Variants in MIPOL1 observed in about 807,000 individuals in gnomAD.
MIPOL1 encodes the protein mirror-image polydactyly gene 1 protein.
Under a neutral mutation model 60.9 loss-of-function variants are expected in MIPOL1, and 57 were observed. The observed-to-expected ratio is 0.94, with a 90% CI of 0.76 to 1.17. The LOEUF (loss-of-function observed/expected upper bound fraction) is 1.17, where lower values mean the gene tolerates loss of function less well. Ranked by LOEUF, MIPOL1 falls within the 50% of genes most tolerant of loss-of-function variation. The pLI is 0.00. For synonymous variants in MIPOL1, 179 were observed against 168.8 expected (o/e 1.06, Z -0.47); for missense variants, 551 against 511.6 (o/e 1.08, Z -0.74).
At chr14:37,237,009 G>GTA (rs1251041403) in intron 1 of MIPOL1, among the ~76,000 whole-genome samples, 8 of 151,984 alleles carry the variant, frequency 5.3e-5, no homozygotes, top group African/African-American at 1.9e-4. Context: ...AGATTCCCTG[G>GTA]TATACTTGGC....
At chr14:37,252,640 A>G (rs997084811) in intron 3 of MIPOL1, among the ~76,000 whole-genome samples, 2 of 151,798 alleles carry the variant, frequency 1.3e-5, no homozygotes, top group Non-Finnish European at 2.9e-5. Context: ...GCCACCATCA[A>G]CCTCTTGTAT....
intron 10 of MIPOL1, among the ~76,000 whole-genome samples, chr14:37,388,617 C>T (rs143382863): frequency 6.6e-6 from 1 of 151,780 alleles, no homozygotes; most frequent in East Asian, 1.9e-4. Flanking sequence ...TCTATCATCC[C>T]ACCAAAATAT....
intron 11 of MIPOL1, among the ~76,000 whole-genome samples, chr14:37,462,073 T>A (rs1255046488): frequency 1.3e-5 from 2 of 152,112 alleles, no homozygotes; most frequent in Non-Finnish European, 2.9e-5. Flanking sequence ...CTAGCAGAGG[T>A]TCTCCATGAG....
chr14:37,248,295 C>T (rs1973505011), intron 3 of MIPOL1, among the ~76,000 whole-genome samples: 1 of 151,760 alleles, frequency 6.6e-6, no homozygotes, highest in African/African-American at 2.4e-5. Context: ...GAAGGAGATC[C>T]TCAGAGAAAG....
intron 12 of MIPOL1, among the ~76,000 whole-genome samples, chr14:37,528,639 G>C (rs562008845): frequency 5.3e-5 from 8 of 152,054 alleles, no homozygotes; most frequent in Non-Finnish European, 7.4e-5. Context: ...TTCTCTAAGA[G>C]TGATCTAAGT....
intron 12 of MIPOL1, chr14:37,506,217 C>T (rs2095274886): frequency 6.6e-6 from 1 of 152,130 alleles, no homozygotes; most frequent in Non-Finnish European, 1.5e-5. Flanking sequence ...CATCAAGCTA[C>T]CAATAACTTT....
intron 9 of MIPOL1, among the ~76,000 whole-genome samples, chr14:37,361,463 A>G (rs996984114): frequency 6.6e-6 from 1 of 152,040 alleles, no homozygotes; most frequent in Non-Finnish European, 1.5e-5. Context: ...GTGGGAGTCT[A>G]CGTCTCTTTG....
chr14:37,356,289 G>C (rs958008332), intron 9 of MIPOL1, among the ~76,000 whole-genome samples: 36 of 151,822 alleles, frequency 2.4e-4, no homozygotes, highest in African/African-American at 8.2e-4. Context: ...TGCGTGCTGG[G>C]AGAACCACTG....
At chr14:37,211,901 C>G (rs1427652958) in intron 1 of MIPOL1, among the ~76,000 whole-genome samples, 1 of 151,922 alleles carries the variant, frequency 6.6e-6, no homozygotes, top group East Asian at 1.9e-4. Flanking sequence ...AATAGGGCAC[C>G]AGTCAGAGTT....
intron 11 of MIPOL1, among the ~76,000 whole-genome samples, chr14:37,493,545 AAT>A (rs2095075909): frequency 1.3e-5 from 2 of 152,194 alleles, no homozygotes; most frequent in South Asian, 4.1e-4. Flanking sequence ...CATTGGACTC[AAT>A]GTGGTGAGCA....
Position 37,268,811 on chromosome 14 carries a change from T to C in MIPOL1, c.387+18T>C. 1 of 1,536,906 alleles carries C rather than the reference T, an allele frequency of 6.5e-7. No homozygotes were observed. ...ATAAAAAGGTATAATATGGAAAGTC[T>C]GATAATTGTATAGTATGGGTTTAGC... is the stretch of plus-strand genomic sequence containing the variant. On this transcript the variant is annotated intron_variant, in intron 5 of 12. Transcript: ENST00000684589.
intron 10 of MIPOL1, among the ~76,000 whole-genome samples, chr14:37,375,284 C>CT (rs2092744292): frequency 1.3e-5 from 2 of 152,080 alleles, no homozygotes; most frequent in Admixed American, 1.3e-4. Flanking sequence ...TCACAGCTCA[C>CT]TATAGCCTCA....
intron 1 of MIPOL1, among the ~76,000 whole-genome samples, chr14:37,202,306 C>T (rs1312213399): frequency 1.3e-5 from 2 of 151,924 alleles, no homozygotes; most frequent in African/African-American, 4.8e-5. Context: ...GGGGCCTCAC[C>T]TTCCACTATC....
intron 1 of MIPOL1, among the ~76,000 whole-genome samples, chr14:37,215,942 C>A (rs1181206291): frequency 6.6e-6 from 1 of 151,894 alleles, no homozygotes; most frequent in East Asian, 1.9e-4. Flanking sequence ...GTGGCAGGCA[C>A]CTGCAACCCC....
At chr14:37,476,231 G>A (rs1170510283) in intron 11 of MIPOL1, among the ~76,000 whole-genome samples, 1 of 152,082 alleles carries the variant, frequency 6.6e-6, no homozygotes, top group Non-Finnish European at 1.5e-5. Flanking sequence ...ATAATCTTAT[G>A]TCCTGCAATC....
intron 12 of MIPOL1, chr14:37,503,976 CT>C (rs1359254451): frequency 6.6e-6 from 1 of 152,080 alleles, no homozygotes; most frequent in Non-Finnish European, 1.5e-5. Flanking sequence ...ATAAAACAGA[CT>C]TTAAACCAAC....
intron 6 of MIPOL1, among the ~76,000 whole-genome samples, chr14:37,281,157 T>C (rs1259792871): frequency 6.6e-6 from 1 of 152,180 alleles, no homozygotes; most frequent in Admixed American, 6.5e-5. Flanking sequence ...TATGTTTTAG[T>C]CTTTAGTGCA....
chr14:37,270,268 A>T, intron 5 of MIPOL1, 152 bp from the exon 6 acceptor site: 1 of 412,600 alleles, frequency 2.4e-6, no homozygotes. Flanking sequence ...CTTTATAAAT[A>T]ACTTAAATTT....
Position 37,285,509 on chromosome 14 carries a change from T to G in MIPOL1, c.623+62T>G, listed in dbSNP as rs913718958. On this transcript the variant is annotated intron_variant, in intron 7 of 12. Transcript: ENST00000684589. ...ACACTTATAAAAGGCATGCTTTAGGTGGTAGTTACATATTTAAAAATGTGA... is the reference window on the plus strand; with the variant it reads ...ACACTTATAAAAGGCATGCTTTAGGGGGTAGTTACATATTTAAAAATGTGA... The G allele has an allele frequency of 3.0e-5, 46 of 1,523,866 alleles. No homozygotes were observed. In the African/African-American group the frequency reaches 6.2e-4, roughly 21 times the overall value. The allele number at this position is 1,523,866 out of a possible 1,614,324, so 94.4% of individuals were successfully genotyped here. A position where few individuals can be genotyped will look rare whatever the true frequency, so the allele number is the denominator to read the frequency against.
Sources: gnomAD v4.1 joint callset for allele counts (sites outside exome capture counted in the v4.1 genomes callset) on GRCh38, gnomAD v4.1.1 for gene constraint, MANE v1.5 for transcripts, NCBI Gene and HGNC (gene_info 2026-07-23, HGNC 2026-07-21) for gene names.